GABRB1: variants seen among roughly 807,000 people sequenced by gnomAD.
GABRB1 encodes the protein gamma-aminobutyric acid type A receptor subunit beta1.
In GABRB1, 17 loss-of-function variants were observed where a neutral mutation model predicts 51.6. The observed-to-expected ratio is 0.33, with a 90% CI of 0.23 to 0.49. The LOEUF (loss-of-function observed/expected upper bound fraction) is 0.49. Ranked by LOEUF, GABRB1 falls within the 20% of genes least tolerant of loss-of-function variation. The pLI, the probability that GABRB1 is intolerant of heterozygous loss-of-function variation, is 0.99. For synonymous variants in GABRB1, 247 were observed against 218.9 expected (o/e 1.13, Z -1.14); for missense variants, 410 against 600.6 (o/e 0.68, Z 3.32).
intron 4 of GABRB1, among the ~76,000 whole-genome samples, chr4:47,166,942 C>G (rs1028989705): frequency 6.6e-6 from 1 of 152,096 alleles, no homozygotes; most frequent in Admixed American, 6.6e-5. Context: ...ATTTGATGCC[C>G]TACTGCAATT....
At position 47,425,982 on chromosome 4, in the gene GABRB1, T is replaced by G. The variant is rs1243699366; in HGVS notation, c.1389T>G (p.Leu463=). 1 of 1,607,460 alleles carries G rather than the reference T, an allele frequency of 6.2e-7. No homozygotes were observed. The highest frequency in any genetic ancestry group is 8.5e-7 in the Non-Finnish European group (1 of 1,175,860). Residue 463 remains leucine (L), a synonymous_variant, in exon 9 of 9, where the codon CTT becomes CTG. Transcript: ENST00000295454. ...TGTTTTTCCCCATCACCTTTTCTCT[T>G]TTTAATGTCGTCTATTGGCTTTACT... The part of the protein sequence containing the change: ...SRMFFPITFS[L]FNVVYWLYYV...
chr4:47,024,446 C>T (rs1725023513), intron 1 of GABRB1, among the ~76,000 whole-genome samples: 1 of 151,870 alleles, frequency 6.6e-6, no homozygotes, highest in Admixed American at 6.6e-5. Flanking sequence ...CCCCCAAATC[C>T]TCCATTCGAT....
chr4:46,999,029 T>A (rs1724094217), intron 1 of GABRB1, among the ~76,000 whole-genome samples: 1 of 152,164 alleles, frequency 6.6e-6, no homozygotes, highest in South Asian at 2.1e-4. Context: ...ATGTATGGTA[T>A]GTGCGAATTT....
chr4:47,145,802 C>G (rs1289872864), intron 3 of GABRB1, among the ~76,000 whole-genome samples: 1 of 152,038 alleles, frequency 6.6e-6, no homozygotes, highest in Non-Finnish European at 1.5e-5. Context: ...GTTACCATAG[C>G]AACTCCCAGG....
intron 4 of GABRB1, among the ~76,000 whole-genome samples, chr4:47,245,197 A>G (rs746428089): frequency 3.9e-5 from 6 of 152,216 alleles, no homozygotes; most frequent in Non-Finnish European, 2.9e-5. Flanking sequence ...ACAAACTACC[A>G]TCAGAGAATA....
chr4:47,145,223 T>G (rs1411860899), intron 3 of GABRB1, among the ~76,000 whole-genome samples: 1 of 151,984 alleles, frequency 6.6e-6, no homozygotes, highest in Non-Finnish European at 1.5e-5. Flanking sequence ...TTGAAAACCT[T>G]TCTTGTCAAA....
intron 4 of GABRB1, among the ~76,000 whole-genome samples, chr4:47,311,061 A>AC (rs58322503): frequency 9.0e-5 from 2 of 22,116 alleles, no homozygotes; most frequent in African/African-American, 4.6e-4. Flanking sequence ...ACTCTGTCTC[A>AC]AAAAAAAAAA....
chr4:47,128,779 A>G (rs1025892742), intron 3 of GABRB1, among the ~76,000 whole-genome samples: 6 of 152,000 alleles, frequency 3.9e-5, no homozygotes, highest in African/African-American at 1.4e-4. Flanking sequence ...TTATATCACT[A>G]TGTAGGATTC....
upstream of GABRB1, among the ~76,000 whole-genome samples, chr4:47,028,350 T>C (rs1725167569): frequency 6.6e-6 from 1 of 151,816 alleles, no homozygotes; most frequent in Non-Finnish European, 1.5e-5. Flanking sequence ...GTTTATGTTA[T>C]TTTAAAATGT....
chr4:47,305,826 T>C (rs1020637748), intron 4 of GABRB1, among the ~76,000 whole-genome samples: 2 of 152,132 alleles, frequency 1.3e-5, no homozygotes, highest in African/African-American at 2.4e-5. Context: ...CTGTTGTAAC[T>C]CAAACTGGGG....
intron 3 of GABRB1, among the ~76,000 whole-genome samples, chr4:47,065,884 T>G (rs1328548386): frequency 1.3e-5 from 2 of 152,254 alleles, no homozygotes; most frequent in Non-Finnish European, 2.9e-5. Context: ...AAGCAGAATT[T>G]ATTTATTTAT....
chr4:47,042,546 T>C (rs1008213940), intron 3 of GABRB1, among the ~76,000 whole-genome samples: 2 of 150,332 alleles, frequency 1.3e-5, no homozygotes, highest in African/African-American at 4.9e-5. Context: ...CCAAATATCA[T>C]CTTACTGGCA....
At chr4:47,087,360 T>C (rs1014872088) in intron 3 of GABRB1, among the ~76,000 whole-genome samples, 17 of 152,114 alleles carry the variant, frequency 1.1e-4, no homozygotes, top group African/African-American at 3.6e-4. Context: ...TAATATTACC[T>C]ATTATTATTG....
At chr4:47,025,931 T>G (rs1445056717) in intron 1 of GABRB1, among the ~76,000 whole-genome samples, 1 of 152,076 alleles carries the variant, frequency 6.6e-6, no homozygotes, top group Non-Finnish European at 1.5e-5. Context: ...TTACTTGTGC[T>G]TTCCACCTGT....
At chr4:47,333,050 C>T (rs1725543541) in intron 5 of GABRB1, among the ~76,000 whole-genome samples, 1 of 148,560 alleles carries the variant, frequency 6.7e-6, no homozygotes, top group Admixed American at 6.7e-5. Context: ...CAAGTTGTTA[C>T]AAGATGTTAA....
chr4:47,026,825 G>A (rs149706992), upstream of GABRB1, among the ~76,000 whole-genome samples: 266 of 152,042 alleles, frequency 1.7e-3, 2 homozygotes, highest in African/African-American at 6.1e-3. Flanking sequence ...CTCAGTAGAG[G>A]TTAAAATATA....
At chr4:47,351,348 A>C (rs181349011) in intron 5 of GABRB1, among the ~76,000 whole-genome samples, 1 of 152,274 alleles carries the variant, frequency 6.6e-6, no homozygotes, top group East Asian at 1.9e-4. Context: ...ATCCAACCAA[A>C]TTAAAAGCCA....
At chr4:47,045,456 TCA>T (rs1726040076) in intron 3 of GABRB1, among the ~76,000 whole-genome samples, 2 of 149,606 alleles carry the variant, frequency 1.3e-5, no homozygotes, top group African/African-American at 2.5e-5. Flanking sequence ...ATCATCATCA[TCA>T]TCATCATCAT....
chr4:47,031,374 A>T, upstream of GABRB1: 1 of 478,270 alleles, frequency 2.1e-6, no homozygotes, highest in South Asian at 2.6e-5. Context: ...CATGAAGGAA[A>T]CTCCGTTTAC....
Sources: allele counts gnomAD v4.1 joint callset (sites outside exome capture counted in the v4.1 genomes callset), GRCh38; gene constraint gnomAD v4.1.1; transcripts MANE v1.5; gene names NCBI Gene and HGNC (gene_info 2026-07-23, HGNC 2026-07-21).